The following SRD5A2 variants were observed in gnomAD, a reference collection of about 807,000 sequenced individuals.
SRD5A2 encodes 3-oxo-5-alpha-steroid 4-dehydrogenase 2.
In SRD5A2, 30 loss-of-function variants were observed where a neutral mutation model predicts 27.4. The ratio of observed to expected loss-of-function variants is 1.10; its 90% CI spans 0.82 to 1.49. SRD5A2 has a LOEUF of 1.49. Among genes scored for constraint, SRD5A2 ranks in the 40% most tolerant of loss-of-function variants. The pLI is 0.00. For missense variants in SRD5A2, 348 were observed against 323.4 expected (o/e 1.08, Z -0.58); for synonymous variants, 141 against 133.6 (o/e 1.06, Z -0.38).
chr2:31,562,272 A>G (rs1263008229), intron 1 of SRD5A2, among the ~76,000 whole-genome samples: 2 of 152,072 alleles, frequency 1.3e-5, no homozygotes, highest in African/African-American at 4.8e-5. Context: ...TATATAGTGT[A>G]TATGTTTATG....
chr2:31,652,148 G>A, the SRD5A2 span, among the ~76,000 whole-genome samples: 1 of 152,180 alleles, frequency 6.6e-6, no homozygotes, highest in South Asian at 2.1e-4. Flanking sequence ...TAGAGACGGG[G>A]TTTTGCCATG....
chr2:31,524,491 G>C lies in SRD5A2; in HGVS notation c.*1705C>G. 1 of 230,440 alleles carries C rather than the reference G, an allele frequency of 4.3e-6. No homozygotes were observed. Among genetic ancestry groups the C allele is most frequent in the Non-Finnish European group, 8.6e-6 (1 of 116,326 alleles). 14.3% of individuals were successfully genotyped at this position (230,440 alleles called of 1,614,324 possible). On this transcript the variant is annotated 3_prime_UTR_variant, in exon 5 of 5. Coordinates refer to ENST00000622030, the MANE Select transcript of SRD5A2 (RefSeq NM_000348.4). ...CACTACAGACAGGGTGAATGGGAAT[G>C]AGGGACAGGCGGGACAGGGAAGCAC... is the stretch of plus-strand genomic sequence containing the variant.
chr2:31,526,062 G>A lies in SRD5A2; in HGVS notation c.*134C>T. On this transcript the variant is annotated 3_prime_UTR_variant, in exon 5 of 5. Coordinates refer to ENST00000622030, the MANE Select transcript of SRD5A2 (RefSeq NM_000348.4). ...AGCAGACACCACTCAGAATCCCCAG[G>A]CCAGCTGGCAGAACGCCAGGAGACC... 1.7e-6 allele frequency: 1 copy of A among 601,080 alleles called. No individual in the cohort carries two copies. The highest frequency in any genetic ancestry group is 2.1e-5 in the African/African-American group (1 of 47,314). 37.2% of individuals were successfully genotyped at this position (601,080 alleles called of 1,614,324 possible).
intron 1 of SRD5A2, among the ~76,000 whole-genome samples, chr2:31,540,126 T>C (rs577846907): frequency 2.7e-4 from 41 of 152,140 alleles, no homozygotes; most frequent in African/African-American, 9.6e-4. Context: ...CTATGAAAAA[T>C]TGTGCATATA....
chr2:31,660,777 T>C, the SRD5A2 span, among the ~76,000 whole-genome samples: 3 of 152,010 alleles, frequency 2.0e-5, no homozygotes, highest in Non-Finnish European at 2.9e-5. Flanking sequence ...GCTATCTAAA[T>C]GTTCAAGCAT....
chr2:31,564,122 A>C lies in SRD5A2; in HGVS notation c.281+16498T>G, dbSNP rs139595085. The stretch of plus-strand genomic sequence containing the variant: ...AATTAATCAGTCAAAACTGACACCG[A>C]AATGACACAGATATTAGGTTAGCAA... On this transcript the variant is annotated intron_variant, in intron 1 of 4. Coordinates refer to ENST00000622030, the MANE Select transcript of SRD5A2 (RefSeq NM_000348.4). Among the ~76,000 whole-genome samples, 11 of 152,240 alleles carry C rather than the reference A, an allele frequency of 7.2e-5. No individual in the cohort carries two copies. In the East Asian group the frequency reaches 2.1e-3, roughly 29 times the overall value.
chr2:31,563,234 T>C (rs987049470), intron 1 of SRD5A2: 1 of 152,028 alleles, frequency 6.6e-6, no homozygotes, highest in Non-Finnish European at 1.5e-5. Flanking sequence ...AACATGACAT[T>C]GAGTACAAGT....
chr2:31,587,197 C>T, the SRD5A2 span, among the ~76,000 whole-genome samples: 3 of 152,106 alleles, frequency 2.0e-5, no homozygotes, highest in Admixed American at 2.0e-4. Flanking sequence ...AATAAGATAC[C>T]ATCTCATTGG....
At chr2:31,581,668 C>A (rs1276375219), upstream of SRD5A2, among the ~76,000 whole-genome samples, 5 of 152,148 alleles carry the variant, frequency 3.3e-5, no homozygotes, top group Non-Finnish European at 7.4e-5. Flanking sequence ...CAGATTGGGG[C>A]CAGAAGTCGA....
chr2:31,610,701 T>C, the SRD5A2 span, among the ~76,000 whole-genome samples: 1 of 152,302 alleles, frequency 6.6e-6, no homozygotes, highest in African/African-American at 2.4e-5. Flanking sequence ...AAAATTATCT[T>C]TTTTTGCTGA....
rs145897135 is a variant in SRD5A2 at position 31,565,824 on chromosome 2, T to C, written c.281+14796A>G. 6.2e-3 allele frequency among the ~76,000 whole-genome samples: 946 copies of C among 152,096 alleles called. 10 individuals carry two copies. Among genetic ancestry groups the C allele is most frequent in the Non-Finnish European group, 0.011 (754 of 67,858 alleles). On this transcript the variant is annotated intron_variant, in intron 1 of 4. Transcript: ENST00000622030. ...AGGTAGAGAGAAAATCATCAGGATA[T>C]AGAAATTTGAAGCACACTAACAATC...
chr2:31,659,014 C>T, the SRD5A2 span, among the ~76,000 whole-genome samples: 12 of 152,214 alleles, frequency 7.9e-5, no homozygotes, highest in South Asian at 2.1e-4. Flanking sequence ...TAATCCACCA[C>T]GATCAAGTAG....
chr2:31,608,758 A>G, the SRD5A2 span, among the ~76,000 whole-genome samples: 1 of 152,092 alleles, frequency 6.6e-6, no homozygotes, highest in Non-Finnish European at 1.5e-5. Flanking sequence ...CATTGTTGAA[A>G]GAAATTAAAG....
At chr2:31,563,808 G>C (rs951513800) in intron 1 of SRD5A2, among the ~76,000 whole-genome samples, 1 of 152,064 alleles carries the variant, frequency 6.6e-6, no homozygotes, top group African/African-American at 2.4e-5. Context: ...AGATAGAAAA[G>C]CTCATATAAG....
intron 1 of SRD5A2, among the ~76,000 whole-genome samples, chr2:31,547,621 T>A (rs371484980): frequency 6.6e-6 from 1 of 152,192 alleles, no homozygotes; most frequent in Non-Finnish European, 1.5e-5. Flanking sequence ...GATTCTCTGG[T>A]CTTTGGACTT....
chr2:31,649,545 T>C, the SRD5A2 span, among the ~76,000 whole-genome samples: 1 of 152,160 alleles, frequency 6.6e-6, no homozygotes, highest in African/African-American at 2.4e-5. Context: ...TTTTACTCCA[T>C]ATTCAAAATT....
At chr2:31,560,076 A>T (rs1435708039) in intron 1 of SRD5A2, among the ~76,000 whole-genome samples, 16 of 135,478 alleles carry the variant, frequency 1.2e-4, no homozygotes, top group Non-Finnish European at 1.6e-4. Flanking sequence ...CCCTTTTTTT[A>T]AAAAGTCATT....
chr2:31,617,746 T>C, the SRD5A2 span, among the ~76,000 whole-genome samples: 1 of 152,232 alleles, frequency 6.6e-6, no homozygotes, highest in Admixed American at 6.5e-5. Flanking sequence ...AAGCTCCTCA[T>C]CTCCATCTGA....
At chr2:31,558,170 A>T (rs1666539162) in intron 1 of SRD5A2, among the ~76,000 whole-genome samples, 1 of 152,190 alleles carries the variant, frequency 6.6e-6, no homozygotes, top group Admixed American at 6.5e-5. Context: ...GTGTAGGAAA[A>T]TACAAAGAGC....
Sources: gnomAD v4.1 joint callset for allele counts (sites outside exome capture counted in the v4.1 genomes callset) on GRCh38, gnomAD v4.1.1 for gene constraint, MANE v1.5 for transcripts, NCBI Gene and HGNC (gene_info 2026-07-23, HGNC 2026-07-21) for gene names.